CHD7: variants seen among roughly 807,000 people sequenced by gnomAD.
The protein encoded by CHD7 is ATP-dependent chromatin remodeler CHD7.
Under a neutral mutation model 307.3 loss-of-function variants are expected in CHD7, and 24 were observed. The ratio of observed to expected loss-of-function variants is 0.08; its 90% CI spans 0.06 to 0.11. The LOEUF is 0.11. CHD7 is among the 10% of genes least tolerant of loss of function. The probability of loss-of-function intolerance (pLI) is 1.00; values close to 1 mark genes in which losing one functional copy is unlikely to be tolerated. For missense variants in CHD7, 3,106 were observed against 3,727.1 expected (o/e 0.83, Z 4.34); for synonymous variants, 1,363 against 1,349.9 (o/e 1.01, Z -0.21).
At chr8:60,854,060 A>T (rs951736828) in intron 31 of CHD7, among the ~76,000 whole-genome samples, 8 of 151,988 alleles carry the variant, frequency 5.3e-5, no homozygotes, top group African/African-American at 4.8e-5. Flanking sequence ...AAGAACATAG[A>T]CTCTTGAGTC....
In CHD7 at chr8:60,678,776, G is replaced by GGCGGCGGCGGCGGCGGCA. The variant is rs1248790318; in HGVS notation, c.-467_-466insGGCAGCGGCGGCGGCGGC. The GGCGGCGGCGGCGGCGGCA allele has an allele frequency of 1.5e-4, 21 of 143,528 alleles. No homozygotes were observed. The highest frequency in any genetic ancestry group is 4.2e-4 in the East Asian group (2 of 4,780). 8.9% of individuals were successfully genotyped at this position (143,528 alleles called of 1,614,324 possible). ...GGCGTGCTGGGGCCGCGGCGGCGGC[G>GGCGGCGGCGGCGGCGGCA]GCGGCGGCGGCGGCAGCGGCGGCGG... On this transcript the variant is annotated 5_prime_UTR_variant, in exon 1 of 38. Transcript: ENST00000423902.
In CHD7 at chr8:60,867,357, C is replaced by G. The variant is rs1293316444; in HGVS notation, c.*1424C>G. On this transcript the variant is annotated 3_prime_UTR_variant, in exon 38 of 38. Transcript: ENST00000423902. ...GGCACTCTGGTGTCCTGCAGACCAG[C>G]GCTCGATGCCAGAAACCAGTGTGTG... 1.3e-5 allele frequency: 2 copies of G among 152,204 alleles called. No individual in the cohort carries two copies. Among genetic ancestry groups the G allele is most frequent in the African/African-American group, 2.4e-5 (1 of 41,446 alleles). The allele number at this position is 152,204 out of a possible 1,614,324, so 9.4% of individuals were successfully genotyped here.
At chr8:60,714,581 C>T (rs1807481831) in intron 1 of CHD7, among the ~76,000 whole-genome samples, 1 of 152,236 alleles carries the variant, frequency 6.6e-6, no homozygotes, top group South Asian at 2.1e-4. Flanking sequence ...CTGGGCTTCT[C>T]GAAATGGCCA....
At chr8:60,860,575 C>T (rs1162915220) in intron 34 of CHD7, among the ~76,000 whole-genome samples, 1 of 152,254 alleles carries the variant, frequency 6.6e-6, no homozygotes, top group East Asian at 1.9e-4. Context: ...GCTGGGATTA[C>T]AGGCAAGTGC....
intron 2 of CHD7, among the ~76,000 whole-genome samples, chr8:60,765,476 C>G (rs1304804793): frequency 6.6e-6 from 1 of 152,152 alleles, no homozygotes; most frequent in African/African-American, 2.4e-5. Flanking sequence ...TTGACTCCAC[C>G]TGGAGAGATT....
intron 25 of CHD7, among the ~76,000 whole-genome samples, 196 bp from the exon 26 acceptor site, chr8:60,850,297 A>G (rs960158628): frequency 9.9e-5 from 15 of 152,230 alleles, no homozygotes; most frequent in African/African-American, 3.4e-4. Flanking sequence ...CCTGAAGTGT[A>G]ACTTGGCTCC....
chr8:60,856,324 T>G, intron 33 of CHD7, 121 bp from the exon 34 acceptor site: 1 of 1,249,966 alleles, frequency 8.0e-7, no homozygotes, highest in Non-Finnish European at 1.1e-6. Flanking sequence ...TCCTCAGCTC[T>G]GTGCACCAGT....
intron 5 of CHD7, among the ~76,000 whole-genome samples, 200 bp downstream of exon 5, chr8:60,800,725 A>C (rs1812270062): frequency 6.6e-6 from 1 of 152,226 alleles, no homozygotes. Flanking sequence ...TTATTTTTAT[A>C]TAAGACTGTG....
chr8:60,785,952 G>A (rs181797116), intron 3 of CHD7, among the ~76,000 whole-genome samples: 1 of 152,172 alleles, frequency 6.6e-6, no homozygotes, highest in East Asian at 1.9e-4. Context: ...CTGTGCCTGT[G>A]GAAGAGGGTA....
chr8:60,680,362 C>T (rs1229710904), intron 1 of CHD7, among the ~76,000 whole-genome samples: 1 of 101,314 alleles, frequency 9.9e-6, no homozygotes, highest in Non-Finnish European at 1.9e-5. Context: ...GGCTGCGGTG[C>T]GGGGCGGGCG....
At chr8:60,729,268 CTG>C (rs1168086079) in intron 1 of CHD7, among the ~76,000 whole-genome samples, 2 of 152,136 alleles carry the variant, frequency 1.3e-5, no homozygotes, top group Non-Finnish European at 2.9e-5. Flanking sequence ...GTGCTTGTGA[CTG>C]TGCTTTTGAA....
chr8:60,812,769 C>G (rs184202741), intron 7 of CHD7, among the ~76,000 whole-genome samples: 58 of 144,896 alleles, frequency 4.0e-4, no homozygotes, highest in African/African-American at 1.4e-3. Flanking sequence ...TTTTATTTTT[C>G]TTTATCTGTA....
intron 7 of CHD7, among the ~76,000 whole-genome samples, 177 bp from the exon 8 acceptor site, chr8:60,816,210 A>T (rs564111283): frequency 5.9e-5 from 9 of 152,010 alleles, no homozygotes; most frequent in African/African-American, 2.2e-4. Context: ...AGGCACTAAT[A>T]TTGATTTTCT....
At chr8:60,777,496 T>G (rs142345734) in intron 2 of CHD7, among the ~76,000 whole-genome samples, 1 of 152,314 alleles carries the variant, frequency 6.6e-6, no homozygotes, top group Non-Finnish European at 1.5e-5. Flanking sequence ...AAAAGTTGCT[T>G]TTTTACATAT....
chr8:60,724,259 A>G (rs1808060768), intron 1 of CHD7, among the ~76,000 whole-genome samples: 1 of 152,176 alleles, frequency 6.6e-6, no homozygotes. Flanking sequence ...GCAGTGTTTA[A>G]TTCTTATTAC....
chr8:60,779,075 C>T (rs1028939926), intron 2 of CHD7, among the ~76,000 whole-genome samples: 4 of 152,184 alleles, frequency 2.6e-5, no homozygotes, highest in African/African-American at 7.2e-5. Context: ...GCCTCATTCT[C>T]CCTTAGCTAT....
In CHD7 at chr8:60,864,703, CCTGT is replaced by C. The variant is rs1480864713; in HGVS notation, c.8077-310_8077-307del. ...TTATCAAAAACTAGATCTTACTCATCCTGTCTAACTCTATTTTTGTACCCCATAA... is the reference window on the plus strand; with the variant it reads ...TTATCAAAAACTAGATCTTACTCATCCTAACTCTATTTTTGTACCCCATAA... On this transcript the variant is annotated intron_variant, in intron 37 of 37. Coordinates refer to ENST00000423902, the MANE Select transcript of CHD7 (RefSeq NM_017780.4). The C allele has an allele frequency of 3.5e-5, 11 of 314,828 alleles. No individual in the cohort carries two copies. In the East Asian group the frequency reaches 5.5e-4, roughly 16 times the overall value. The allele number at this position is 314,828 out of a possible 1,614,324, so 19.5% of individuals were successfully genotyped here.
intron 3 of CHD7, among the ~76,000 whole-genome samples, chr8:60,787,800 T>TA (rs1451723901): frequency 6.6e-6 from 1 of 151,110 alleles, no homozygotes; most frequent in East Asian, 2.0e-4. Flanking sequence ...ATTTAATCCA[T>TA]AAAACTCGGT....
At chr8:60,834,121 ATC>A (rs1483308395) in intron 15 of CHD7, among the ~76,000 whole-genome samples, 1 of 152,200 alleles carries the variant, frequency 6.6e-6, no homozygotes, top group Non-Finnish European at 1.5e-5. Context: ...TATTTTTTTA[ATC>A]TCTGAATAAA....
Sources: gnomAD v4.1 joint callset for allele counts (sites outside exome capture counted in the v4.1 genomes callset) on GRCh38, gnomAD v4.1.1 for gene constraint, MANE v1.5 for transcripts, NCBI Gene and HGNC (gene_info 2026-07-23, HGNC 2026-07-21) for gene names.